TCF25: variants seen among roughly 807,000 people sequenced by gnomAD.
TCF25 encodes ribosome quality control complex subunit TCF25.
A neutral mutation model predicts 83.1 loss-of-function variants in TCF25; 41 were observed. The ratio of observed to expected loss-of-function variants is 0.49; its 90% CI spans 0.38 to 0.64. The LOEUF (loss-of-function observed/expected upper bound fraction) is 0.64. TCF25 is among the 30% of genes least tolerant of loss of function. TCF25 has a pLI of 0.00. For synonymous variants in TCF25, 458 were observed against 365.0 expected (o/e 1.25, Z -2.90); for missense variants, 979 against 914.5 (o/e 1.07, Z -0.91).
chr16:89,875,191 A>G (rs909034628), intron 1 of TCF25, among the ~76,000 whole-genome samples: 3 of 152,164 alleles, frequency 2.0e-5, no homozygotes, highest in Non-Finnish European at 2.9e-5. Context: ...ATTTTTGTCA[A>G]TGTAATTTGT....
In TCF25 at chr16:89,873,728, C is replaced by G; in HGVS notation, c.61C>G (p.Pro21Ala). 1.2e-6 allele frequency: 2 copies of G among 1,611,392 alleles called. No individual in the cohort carries two copies. The highest frequency in any genetic ancestry group is 1.7e-6 in the Non-Finnish European group (2 of 1,179,438). Residue 21 changes from proline (P) to alanine (A), a missense_variant, in exon 1 of 18, where the codon CCC becomes GCC. By Grantham distance (27) the Pro-to-Ala change is conservative. Transcript: ENST00000263346. Reference sequence around the variant, plus strand: ...ACAGCGCGGCCAGGAGCCCCTCGGGCCCGGCGCCTTGCATTTCGATCTCCG... The same window carrying G: ...ACAGCGCGGCCAGGAGCCCCTCGGGGCCGGCGCCTTGCATTTCGATCTCCG... ...GEQRGQEPLG[P>A]GALHFDLRDD...
chr16:89,875,266 G>T (rs1052633246), intron 1 of TCF25, among the ~76,000 whole-genome samples: 2 of 152,142 alleles, frequency 1.3e-5, no homozygotes, highest in East Asian at 3.9e-4. Flanking sequence ...ACCTAGCTAT[G>T]TATTCGTTGA....
chr16:89,891,115 G>A (rs1196479516), intron 5 of TCF25, among the ~76,000 whole-genome samples: 2 of 152,170 alleles, frequency 1.3e-5, no homozygotes, highest in African/African-American at 2.4e-5. Context: ...TGCTCAGGGC[G>A]CCTGCCAGCC....
At chr16:89,908,899 G>A (rs1406940922) in intron 16 of TCF25, 11 of 1,276,252 alleles carry the variant, frequency 8.6e-6, no homozygotes, top group Admixed American at 7.1e-5. Context: ...ACAGGGACTG[G>A]CTGCCTCTTT....
At chr16:89,909,299 C>T in intron 16 of TCF25, 1 of 495,488 alleles carries the variant, frequency 2.0e-6, no homozygotes, top group Non-Finnish European at 3.2e-6. Context: ...ATCACAAGGT[C>T]AAGAGATTGA....
intron 1 of TCF25, 147 bp from the exon 2 acceptor site, chr16:89,883,204 C>T (rs2042737002): frequency 7.4e-6 from 8 of 1,079,588 alleles, no homozygotes; most frequent in South Asian, 3.3e-5. Context: ...CCAACAGTCT[C>T]GGGTTCTTGC....
At chr16:89,909,160 T>C in intron 16 of TCF25, 1 of 1,278,220 alleles carries the variant, frequency 7.8e-7, no homozygotes, top group Non-Finnish European at 1.0e-6. Flanking sequence ...GAAATAAACA[T>C]AAAATCAAAA....
At position 89,905,082 on chromosome 16, in the gene TCF25, A is replaced by T; in HGVS notation, c.1614A>T (p.Glu538Asp). The T allele has an allele frequency of 6.3e-7, 1 of 1,598,556 alleles. No homozygotes were observed. ...QAVDAGDPAV[E>D]ACENRRKVLY... ...TGGACGCCGGGGACCCAGCCGTGGA[A>T]GCCTGTGAGAACCGGTGAGCTAGGG... is the stretch of plus-strand genomic sequence containing the variant. Residue 538 changes from glutamate (E) to aspartate (D), a missense_variant, in exon 14 of 18, where the codon GAA (glutamate) becomes GAT (aspartate). Transcript: ENST00000263346.
At chr16:89,885,031 C>T (rs1321215870) in intron 3 of TCF25, among the ~76,000 whole-genome samples, 1 of 124,442 alleles carries the variant, frequency 8.0e-6, no homozygotes. Flanking sequence ...CGCCCTCTCC[C>T]TCTGCCTGAC....
chr16:89,887,759 CCTT>C (rs759056428), intron 5 of TCF25, 42 bp downstream of exon 5: 4 of 1,501,904 alleles, frequency 2.7e-6, no homozygotes, highest in Non-Finnish European at 2.7e-6. Flanking sequence ...CTGCTTCATT[CCTT>C]CTTAGACTCT....
intron 16 of TCF25, 110 bp from the exon 17 acceptor site, chr16:89,910,481 C>T (rs1371797500): frequency 6.3e-6 from 7 of 1,105,014 alleles, no homozygotes; most frequent in African/African-American, 4.6e-5. Flanking sequence ...CCCTGGCGGC[C>T]CCTCCGTGTC....
intron 5 of TCF25, chr16:89,889,257 G>T: frequency 2.5e-6 from 1 of 397,350 alleles, no homozygotes. Flanking sequence ...TGTCCAGTCT[G>T]GTTTTGAACT....
At chr16:89,896,706 A>C (rs900116583) in intron 9 of TCF25, among the ~76,000 whole-genome samples, 34 of 152,048 alleles carry the variant, frequency 2.2e-4, no homozygotes, top group Non-Finnish European at 1.3e-4. Context: ...GGCACGTGCC[A>C]CAACGCCTGG....
chr16:89,878,236 C>T (rs530739765), intron 1 of TCF25, among the ~76,000 whole-genome samples: 17 of 151,670 alleles, frequency 1.1e-4, no homozygotes, highest in Non-Finnish European at 1.9e-4. Context: ...GGTGAGATGA[C>T]GCCACCGTAC....
Position 89,907,259 on chromosome 16 carries a change from C to A in TCF25, c.1736C>A (p.Ser579Tyr). 6.2e-7 allele frequency: 1 copy of A among 1,612,936 alleles called. No homozygotes were observed. Among genetic ancestry groups the A allele is most frequent in the South Asian group, 1.1e-5 (1 of 91,082 alleles). ...TTTCTGAAGGACGTGACCACGCAGT[C>A]TGTGATGGGGTTTGATCCTCTGCCT... ...AALPPDVTTQ[S>Y]VMGFDPLPPS... Residue 579 changes from serine (S) to tyrosine (Y), a missense_variant, in exon 16 of 18, where the codon TCT (serine) becomes TAT (tyrosine). Coordinates refer to ENST00000263346, the MANE Select transcript of TCF25 (RefSeq NM_014972.3).
chr16:89,910,232 T>C (rs988327812), intron 16 of TCF25: 2 of 295,240 alleles, frequency 6.8e-6, no homozygotes, highest in Admixed American at 4.8e-5. Context: ...CTTCTGCCTT[T>C]GCGTAAGGAG....
At chr16:89,876,296 A>G (rs1028266871) in intron 1 of TCF25, among the ~76,000 whole-genome samples, 2 of 152,252 alleles carry the variant, frequency 1.3e-5, no homozygotes, top group Admixed American at 6.5e-5. Flanking sequence ...GAAATAATAT[A>G]ATCAAAATGT....
rs764853648 is a variant in TCF25 at position 89,911,208 on chromosome 16, C to T, written c.2001C>T (p.Asp667=). Residue 667 remains aspartate, a synonymous_variant, in exon 18 of 18, where the codon GAC becomes GAT. Coordinates refer to ENST00000263346, the MANE Select transcript of TCF25 (RefSeq NM_014972.3). The part of the protein sequence containing the change: ...HLNDLEAPHE[D]DAEGEGEWD ...ACGACCTGGAGGCGCCGCACGAGGA[C>T]GACGCTGAGGGGGAGGGGGAGTGGG... 98 of 1,612,312 alleles carry T rather than the reference C, an allele frequency of 6.1e-5. 2 individuals carry two copies. In the Middle Eastern group the frequency reaches 2.6e-3, roughly 42 times the overall value.
rs939241718 is a variant in TCF25 at position 89,905,071 on chromosome 16, C to T, written c.1603C>T (p.Pro535Ser). 1 of 1,601,524 alleles carries T rather than the reference C, an allele frequency of 6.2e-7. No homozygotes were observed. The highest frequency in any genetic ancestry group is 1.3e-5 in the African/African-American group (1 of 74,846). Residue 535 changes from proline (P) to serine (S), a missense_variant, in exon 14 of 18, where the codon CCA (proline) becomes TCA (serine). Transcript: ENST00000263346. ...TCTGCAAGCAGTGGACGCCGGGGAC[C>T]CAGCCGTGGAAGCCTGTGAGAACCG... ...EVLQAVDAGDPAVEACENRRK... is the reference protein window; with the variant it reads ...EVLQAVDAGDSAVEACENRRK...
Sources: allele counts gnomAD v4.1 joint callset (sites outside exome capture counted in the v4.1 genomes callset), GRCh38; gene constraint gnomAD v4.1.1; transcripts MANE v1.5; gene names NCBI Gene and HGNC (gene_info 2026-07-23, HGNC 2026-07-21).